SYDE2: variants seen among roughly 807,000 people sequenced by gnomAD.
SYDE2 encodes synapse defective Rho GTPase homolog 2.
Under a neutral mutation model 91.5 loss-of-function variants are expected in SYDE2, and 76 were observed. The observed-to-expected ratio is 0.83, with a 90% CI of 0.69 to 1.01. SYDE2 has a LOEUF of 1.01. Ranked by LOEUF, SYDE2 falls within the 50% of genes least tolerant of loss-of-function variation. SYDE2 has a pLI of 0.00. For synonymous variants in SYDE2, 513 were observed against 506.4 expected (o/e 1.01, Z -0.18); for missense variants, 1,364 against 1,367.7 (o/e 1.00, Z 0.04).
In SYDE2 at chr1:85,183,014, A is replaced by G; in HGVS notation, c.1628T>C (p.Leu543Pro). 6.2e-7 allele frequency: 1 copy of G among 1,612,978 alleles called. No individual in the cohort carries two copies. The change falls in exon 3 of 7, where the codon CTA becomes CCA. Residue 543 changes from leucine to proline, a missense_variant. By Grantham distance (98) the Leu-to-Pro change is moderately conservative (BLOSUM62 -3). Transcript: ENST00000341460. The part of the protein sequence containing the change: ...MKKLPEFSRK[L>P]SVKGTLNYIN... ...ATAATTCAATGTTCCCTTAACGCTTAGCTTTCGGCTAAATTCTGGCAACTT... is the reference window on the plus strand; with the variant it reads ...ATAATTCAATGTTCCCTTAACGCTTGGCTTTCGGCTAAATTCTGGCAACTT...
chr1:85,178,091 T>G, intron 4 of SYDE2, 55 bp downstream of exon 4: 1 of 1,376,190 alleles, frequency 7.3e-7, no homozygotes, highest in Admixed American at 2.4e-5. Flanking sequence ...CAGTTATCTT[T>G]CTTGCAGATG....
intron 1 of SYDE2, among the ~76,000 whole-genome samples, chr1:85,197,423 C>G (rs1337840517): frequency 6.6e-6 from 1 of 151,982 alleles, no homozygotes; most frequent in African/African-American, 2.4e-5. Flanking sequence ...GTAATTTTGA[C>G]AAAATATCTT....
At chr1:85,193,047 A>G (rs908674764) in intron 1 of SYDE2, among the ~76,000 whole-genome samples, 2 of 152,256 alleles carry the variant, frequency 1.3e-5, no homozygotes, top group Non-Finnish European at 2.9e-5. Context: ...GTAAATGGAA[A>G]AGGCAGCACT....
chr1:85,183,978 C>A lies in SYDE2; in HGVS notation c.1442-778G>T, dbSNP rs545444437. ...CTGTACATGATAGCAACTTCTACTG[C>A]AGATAAAACTGAATTTATTAAAGCC... is the stretch of plus-strand genomic sequence containing the variant. On this transcript the variant is annotated intron_variant, in intron 2 of 6. Coordinates refer to ENST00000341460, the MANE Select transcript of SYDE2 (RefSeq NM_032184.2). Among the ~76,000 whole-genome samples the A allele has an allele frequency of 8.5e-5, 13 of 152,240 alleles. No individual in the cohort carries two copies. The South Asian group carries it at 1.9e-3, about 22-fold the overall frequency.
chr1:85,153,648 A>G (rs1656819906), downstream of SYDE2: 1 of 152,128 alleles, frequency 6.6e-6, no homozygotes, highest in South Asian at 2.1e-4. Context: ...GATGTTTTCT[A>G]ACTAACTCCA....
At chr1:85,188,121 T>C (rs561706435) in intron 2 of SYDE2, among the ~76,000 whole-genome samples, 3 of 152,312 alleles carry the variant, frequency 2.0e-5, no homozygotes, top group African/African-American at 7.2e-5. Context: ...TTACACTCTC[T>C]TGCCTTCTCT....
chr1:85,180,325 T>C (rs557762946), intron 3 of SYDE2, among the ~76,000 whole-genome samples: 1 of 151,278 alleles, frequency 6.6e-6, no homozygotes, highest in African/African-American at 2.4e-5. Context: ...CTCTCTCTAC[T>C]GGGGGTGGGG....
At chr1:85,159,837 T>C (rs901530832) in intron 6 of SYDE2, 1 of 980,832 alleles carries the variant, frequency 1.0e-6, no homozygotes, top group Admixed American at 6.1e-5. Context: ...AGTTTGATTA[T>C]ACAGCATTAT....
intron 3 of SYDE2, among the ~76,000 whole-genome samples, chr1:85,180,433 T>A (rs1024646732): frequency 2.6e-5 from 4 of 152,252 alleles, no homozygotes; most frequent in African/African-American, 9.6e-5. Flanking sequence ...GGCTCACACC[T>A]GTAATCCCAG....
At chr1:85,194,081 T>G (rs1310619017) in intron 1 of SYDE2, among the ~76,000 whole-genome samples, 2 of 151,994 alleles carry the variant, frequency 1.3e-5, no homozygotes, top group Non-Finnish European at 2.9e-5. Context: ...ATATATAATA[T>G]TACAAAGGCC....
intron 3 of SYDE2, among the ~76,000 whole-genome samples, chr1:85,180,403 A>G (rs1403831429): frequency 6.6e-6 from 1 of 152,108 alleles, no homozygotes; most frequent in Non-Finnish European, 1.5e-5. Context: ...TAAAAAGTAC[A>G]GTTCTAGGCC....
At chr1:85,164,879 C>A in intron 5 of SYDE2, 122 bp from the exon 6 acceptor site, 2 of 556,236 alleles carry the variant, frequency 3.6e-6, no homozygotes, top group Non-Finnish European at 5.6e-6. Context: ...TAAAGATTTG[C>A]GTATAAATTG....
intron 4 of SYDE2, among the ~76,000 whole-genome samples, chr1:85,170,149 C>T (rs570849809): frequency 1.5e-4 from 21 of 140,912 alleles, no homozygotes; most frequent in African/African-American, 5.0e-4. Context: ...GACAGGGTCT[C>T]GCTCCATCAC....
At position 85,163,445 on chromosome 1, in the gene SYDE2, CTATATATATATA is replaced by C. The variant is rs55977750; in HGVS notation, c.3085+1069_3085+1080del. ...ATCAAGCATTCTCTTGTACTTTAAT[CTATATATATATA>C]TATATATATATATATATATATATAA... is the stretch of plus-strand genomic sequence containing the variant. On this transcript the variant is annotated intron_variant, in intron 6 of 6. Transcript: ENST00000341460. Among the ~76,000 whole-genome samples, 631 of 87,626 alleles carry C rather than the reference CTATATATATATA, an allele frequency of 7.2e-3. 9 individuals are homozygous for C. Among genetic ancestry groups the C allele is most frequent in the African/African-American group, 0.02 (567 of 29,042 alleles). 57.5% of individuals were successfully genotyped at this position (87,626 alleles called of 152,430 possible). A position where few individuals can be genotyped will look rare whatever the true frequency, so the allele number is the denominator to read the frequency against.
intron 4 of SYDE2, among the ~76,000 whole-genome samples, chr1:85,173,334 G>C (rs1421598453): frequency 6.6e-6 from 1 of 152,134 alleles, no homozygotes; most frequent in East Asian, 1.9e-4. Flanking sequence ...CCAGAACTAG[G>C]AAGATGCAAG....
intron 2 of SYDE2, among the ~76,000 whole-genome samples, chr1:85,186,357 T>C (rs1437709255): frequency 3.9e-5 from 6 of 152,152 alleles, no homozygotes; most frequent in African/African-American, 1.4e-4. Context: ...ATTGGAATAG[T>C]TTCAGAAGGA....
chr1:85,160,658 C>T (rs1046057003), intron 6 of SYDE2: 4 of 985,228 alleles, frequency 4.1e-6, no homozygotes, highest in African/African-American at 1.7e-5. Flanking sequence ...CCTTGCTTTT[C>T]CCCCCTCATT....
intron 1 of SYDE2, among the ~76,000 whole-genome samples, chr1:85,195,076 C>T (rs1002746963): frequency 6.6e-6 from 1 of 151,708 alleles, no homozygotes; most frequent in Non-Finnish European, 1.5e-5. Context: ...AGGAGAATGG[C>T]GTGAACCCGC....
chr1:85,179,371 T>C (rs1358044365), intron 3 of SYDE2, among the ~76,000 whole-genome samples: 2 of 152,134 alleles, frequency 1.3e-5, no homozygotes, highest in African/African-American at 2.4e-5. Flanking sequence ...ATTAAAAAAC[T>C]GATAGAATAC....
Sources: allele counts gnomAD v4.1 joint callset (sites outside exome capture counted in the v4.1 genomes callset), GRCh38; gene constraint gnomAD v4.1.1; transcripts MANE v1.5; gene names NCBI Gene and HGNC (gene_info 2026-07-23, HGNC 2026-07-21).